Variants in SGCZ observed in about 807,000 individuals in gnomAD.
SGCZ encodes the protein sarcoglycan zeta.
SGCZ carries 40 observed loss-of-function variants against 41.3 expected under a neutral mutation model. The observed-to-expected ratio is 0.97, with a 90% CI of 0.75 to 1.26. The LOEUF (loss-of-function observed/expected upper bound fraction) is 1.26. Ranked by LOEUF, SGCZ falls within the 50% of genes most tolerant of loss-of-function variation. The pLI, the probability that SGCZ is intolerant of heterozygous loss-of-function variation, is 0.00. For synonymous variants in SGCZ, 206 were observed against 137.5 expected (o/e 1.50, Z -3.49); for missense variants, 552 against 369.8 (o/e 1.49, Z -4.04).
chr8:14,134,978 A>G lies in SGCZ; in HGVS notation c.548-26743T>C, dbSNP rs1377976426. 2.0e-5 allele frequency among the ~76,000 whole-genome samples: 3 copies of G among 152,200 alleles called. No homozygotes were observed. The East Asian group carries it at 5.8e-4, about 29-fold the overall frequency. On this transcript the variant is annotated intron_variant, in intron 5 of 7. Coordinates refer to ENST00000382080, the MANE Select transcript of SGCZ (RefSeq NM_139167.4). Reference sequence around the variant, plus strand: ...AACACACAGTAGCGTATCCACTTACATACTGTCTATAGATACCTTCACACT... The same window carrying G: ...AACACACAGTAGCGTATCCACTTACGTACTGTCTATAGATACCTTCACACT...
intron 3 of SGCZ, among the ~76,000 whole-genome samples, chr8:14,249,192 G>C (rs1339238931): frequency 6.6e-6 from 1 of 152,144 alleles, no homozygotes; most frequent in African/African-American, 2.4e-5. Context: ...GAATACAAGA[G>C]AATTCACTCT....
chr8:14,929,430 C>G (rs982559391), intron 1 of SGCZ, among the ~76,000 whole-genome samples: 1 of 151,868 alleles, frequency 6.6e-6, no homozygotes, highest in Non-Finnish European at 1.5e-5. Context: ...TACTCTCACC[C>G]AGATATGTTG....
rs144932231 is a variant in SGCZ, at chr8:14,476,519, T to A, written c.234+78213A>T. ...AAGTAACAAATTATTAGTGAGCTAG[T>A]AATTTTAAAAAGCCCACAATGATGC... On this transcript the variant is annotated intron_variant, in intron 2 of 7. Transcript: ENST00000382080. Among the ~76,000 whole-genome samples, 1,419 of 152,260 alleles carry A rather than the reference T, an allele frequency of 9.3e-3. 31 individuals carry two copies. Among genetic ancestry groups the A allele is most frequent in the African/African-American group, 0.032 (1,344 of 41,568 alleles).
At chr8:14,597,546 G>A (rs1201332854) in intron 1 of SGCZ, among the ~76,000 whole-genome samples, 1 of 152,222 alleles carries the variant, frequency 6.6e-6, no homozygotes, top group East Asian at 1.9e-4. Context: ...TTGGCTCACT[G>A]CAACCTCCGC....
intron 3 of SGCZ, among the ~76,000 whole-genome samples, chr8:14,316,170 A>T (rs1801708473): frequency 6.6e-6 from 1 of 151,982 alleles, no homozygotes; most frequent in Non-Finnish European, 1.5e-5. Context: ...ACCAAACTTA[A>T]AGTCTCTCAA....
intron 1 of SGCZ, among the ~76,000 whole-genome samples, chr8:15,084,635 C>T (rs1051995122): frequency 6.6e-6 from 1 of 152,034 alleles, no homozygotes; most frequent in Non-Finnish European, 1.5e-5. Context: ...GTCTGTAGTC[C>T]CAGCTACTCG....
chr8:15,097,909 T>C (rs1253256751), intron 1 of SGCZ, among the ~76,000 whole-genome samples: 11 of 109,330 alleles, frequency 1.0e-4, no homozygotes, highest in African/African-American at 3.8e-4. Flanking sequence ...TATATATATA[T>C]ACGTGTGTAT....
intron 2 of SGCZ, among the ~76,000 whole-genome samples, chr8:14,448,229 A>C (rs1210204270): frequency 1.3e-5 from 2 of 152,228 alleles, no homozygotes; most frequent in African/African-American, 4.8e-5. Context: ...TCTGCTACCA[A>C]GTACAGCTTG....
chr8:15,005,690 G>A (rs915004827), intron 1 of SGCZ, among the ~76,000 whole-genome samples: 3 of 151,376 alleles, frequency 2.0e-5, no homozygotes, highest in Admixed American at 6.6e-5. Context: ...CTAGAACGTG[G>A]CTTCATTTTA....
intron 2 of SGCZ, among the ~76,000 whole-genome samples, chr8:14,473,160 C>T (rs1247084584): frequency 6.6e-6 from 1 of 152,084 alleles, no homozygotes; most frequent in African/African-American, 2.4e-5. Context: ...AAAATTCACA[C>T]CTGTTCCCAT....
intron 4 of SGCZ, among the ~76,000 whole-genome samples, chr8:14,211,344 C>A (rs565274163): frequency 6.6e-6 from 1 of 152,242 alleles, no homozygotes; most frequent in Non-Finnish European, 1.5e-5. Flanking sequence ...CTTCAGGTTG[C>A]CGCAGCACCC....
At chr8:14,308,996 A>T (rs1260137058) in intron 3 of SGCZ, 1 of 932,102 alleles carries the variant, frequency 1.1e-6, no homozygotes, top group African/African-American at 1.7e-5. Flanking sequence ...TCCAAACCGC[A>T]CCCGGCCTCA....
intron 1 of SGCZ, among the ~76,000 whole-genome samples, chr8:14,615,203 A>G (rs1256543399): frequency 5.3e-5 from 8 of 152,188 alleles, no homozygotes; most frequent in Admixed American, 5.2e-4. Flanking sequence ...TAACCTGTTG[A>G]CTCTGTACTT....
intron 3 of SGCZ, among the ~76,000 whole-genome samples, chr8:14,312,083 T>A (rs1304995740): frequency 6.6e-6 from 1 of 152,160 alleles, no homozygotes; most frequent in Non-Finnish European, 1.5e-5. Context: ...AAGCTGTTGA[T>A]GAAACATATC....
chr8:14,549,627 G>A, intron 2 of SGCZ, among the ~76,000 whole-genome samples: 1 of 152,044 alleles, frequency 6.6e-6, no homozygotes, highest in East Asian at 1.9e-4. Flanking sequence ...ACTTCAAAGG[G>A]ACAAGGAAAT....
chr8:14,509,231 T>C lies in SGCZ; in HGVS notation c.234+45501A>G, dbSNP rs1399969928. Among the ~76,000 whole-genome samples, 3 of 152,204 alleles carry C rather than the reference T, an allele frequency of 2.0e-5. No individual in the cohort carries two copies. In the East Asian group the frequency reaches 5.8e-4, roughly 29 times the overall value. ...TTATTAGGAAATTGATTATTTCCAA[T>C]GCTTAAGATTGTACAACCCTTGTTA... On this transcript the variant is annotated intron_variant, in intron 2 of 7. Transcript: ENST00000382080.
At chr8:14,399,501 G>A (rs537044613) in intron 2 of SGCZ, among the ~76,000 whole-genome samples, 47 of 151,828 alleles carry the variant, frequency 3.1e-4, no homozygotes, top group African/African-American at 7.0e-4. Flanking sequence ...GTTCTTTCTC[G>A]CTTCACAGAT....
At chr8:14,463,768 T>C (rs1327176637) in intron 2 of SGCZ, among the ~76,000 whole-genome samples, 3 of 151,660 alleles carry the variant, frequency 2.0e-5, no homozygotes, top group East Asian at 1.9e-4. Context: ...CTAGACAGCT[T>C]TTATTATGTT....
At position 14,086,971 on chromosome 8, in the gene SGCZ, A is replaced by G. The variant is rs1357637717; in HGVS notation, c.*3472T>C. On this transcript the variant is annotated 3_prime_UTR_variant, in exon 8 of 8. Coordinates refer to ENST00000382080, the MANE Select transcript of SGCZ (RefSeq NM_139167.4). ...CTCACAGATAAGTGAACTGTGACCA[A>G]CGTAATTAAATATATGTCTTAAGTA... 6.6e-6 allele frequency among the ~76,000 whole-genome samples: 1 copy of G among 151,654 alleles called. No homozygotes were observed. Among genetic ancestry groups the G allele is most frequent in the Non-Finnish European group, 1.5e-5 (1 of 67,712 alleles).
Sources: gnomAD v4.1 joint callset for allele counts (sites outside exome capture counted in the v4.1 genomes callset) on GRCh38, gnomAD v4.1.1 for gene constraint, MANE v1.5 for transcripts, NCBI Gene and HGNC (gene_info 2026-07-23, HGNC 2026-07-21) for gene names.